MMP26: variants seen among roughly 807,000 people sequenced by gnomAD.
The protein encoded by MMP26 is matrix metalloproteinase-26.
A neutral mutation model predicts 31.0 loss-of-function variants in MMP26; 33 were observed. The observed-to-expected ratio is 1.06, with a 90% CI of 0.81 to 1.42. The LOEUF is 1.42. Ranked by LOEUF, MMP26 falls within the 40% of genes most tolerant of loss-of-function variation. MMP26 has a pLI of 0.00. For missense variants in MMP26, 347 were observed against 316.1 expected, an observed-to-expected ratio of 1.10 and a Z score of -0.74; for synonymous variants, 122 against 114.9, an observed-to-expected ratio of 1.06 and a Z score of -0.40.
intron 2 of MMP26, among the ~76,000 whole-genome samples, chr11:4,872,858 G>A (rs976030992): frequency 5.9e-5 from 9 of 151,860 alleles, no homozygotes; most frequent in Non-Finnish European, 1.2e-4. Context: ...TCTTTCCATG[G>A]TCTACCACTA....
chr11:4,777,299 T>C (rs889199536), intron 2 of MMP26, among the ~76,000 whole-genome samples: 7 of 152,172 alleles, frequency 4.6e-5, no homozygotes, highest in Admixed American at 2.6e-4. Context: ...TTAAGGACCC[T>C]GTTAAACTTT....
At position 4,835,178 on chromosome 11, in the gene MMP26, T is replaced by C. The variant is rs920786545; in HGVS notation, c.-145+67837T>C. Among the ~76,000 whole-genome samples, 8 of 147,594 alleles carry C rather than the reference T, an allele frequency of 5.4e-5. No individual in the cohort carries two copies. In the East Asian group the frequency reaches 5.9e-4, roughly 11 times the overall value. Reference sequence around the variant, plus strand: ...GAATTCTCAATATCTCCCTCCCCCCTCTCTCTCTCTTCCTCTCTCTTTCTG... The same window carrying C: ...GAATTCTCAATATCTCCCTCCCCCCCCTCTCTCTCTTCCTCTCTCTTTCTG... On this transcript the variant is annotated intron_variant, in intron 2 of 7. Transcript: ENST00000380390.
intron 2 of MMP26, among the ~76,000 whole-genome samples, chr11:4,826,795 A>G (rs1849583493): frequency 6.6e-6 from 1 of 152,136 alleles, no homozygotes; most frequent in Non-Finnish European, 1.5e-5. Flanking sequence ...CATATCAATA[A>G]TAATCCAGAT....
chr11:4,933,401 G>T (rs941600650), intron 2 of MMP26, among the ~76,000 whole-genome samples: 1 of 151,884 alleles, frequency 6.6e-6, no homozygotes, highest in Non-Finnish European at 1.5e-5. Flanking sequence ...TATAAACACA[G>T]GTTATATATG....
intron 2 of MMP26, chr11:4,849,272 G>T (rs1038385056): frequency 2.6e-6 from 4 of 1,523,564 alleles, no homozygotes; most frequent in Non-Finnish European, 3.5e-6. Flanking sequence ...ACTTAATCGC[G>T]TGCCAAATTT....
chr11:4,766,632 A>G (rs903022160), intron 1 of MMP26, among the ~76,000 whole-genome samples: 14 of 151,564 alleles, frequency 9.2e-5, no homozygotes, highest in African/African-American at 3.4e-4. Flanking sequence ...TGCTTGGTGT[A>G]ACAAATGGGC....
intron 2 of MMP26, among the ~76,000 whole-genome samples, chr11:4,790,165 C>A (rs931581642): frequency 7.9e-5 from 12 of 151,978 alleles, no homozygotes; most frequent in Non-Finnish European, 1.5e-4. Flanking sequence ...CATAGTGAAA[C>A]CCCGTCTCTA....
chr11:4,723,218 C>A (rs552667856), intron 1 of MMP26: 2 of 1,402,980 alleles, frequency 1.4e-6, no homozygotes, highest in African/African-American at 1.4e-5. Context: ...GCCTTTGAGG[C>A]CCTCAATCTC....
At chr11:4,809,623 G>A (rs1166766861) in intron 2 of MMP26, among the ~76,000 whole-genome samples, 1 of 152,214 alleles carries the variant, frequency 6.6e-6, no homozygotes, top group Admixed American at 6.5e-5. Context: ...AAGGCATAGA[G>A]CAATAATGCT....
At chr11:4,861,659 G>A (rs1850161626) in intron 2 of MMP26, among the ~76,000 whole-genome samples, 1 of 151,876 alleles carries the variant, frequency 6.6e-6, no homozygotes, top group South Asian at 2.1e-4. Context: ...TTTAAGGTAG[G>A]TAGAAGAAGA....
intron 2 of MMP26, among the ~76,000 whole-genome samples, chr11:4,865,477 G>T (rs572165917): frequency 5.3e-5 from 8 of 152,124 alleles, no homozygotes; most frequent in African/African-American, 1.9e-4. Context: ...AATTAACACT[G>T]TGAAAACTAA....
chr11:4,835,770 G>A (rs928110748), intron 2 of MMP26, among the ~76,000 whole-genome samples: 1 of 152,134 alleles, frequency 6.6e-6, no homozygotes, highest in Non-Finnish European at 1.5e-5. Context: ...ATAAAATGAG[G>A]TGGAGCTGGG....
intron 1 of MMP26, chr11:4,723,435 G>A (rs1314988714): frequency 2.0e-6 from 2 of 1,022,556 alleles, no homozygotes; most frequent in East Asian, 2.4e-5. Flanking sequence ...GGGAGCGGCT[G>A]CTGTCCATGG....
In MMP26 at chr11:4,937,203, G is replaced by C. The variant is rs79632087; in HGVS notation, c.-144-50865G>C. ...CTCACAGGGGCATAAGGGCACTTAGGGTACTGAATATCAAAAGTCATTCAT... is the reference window on the plus strand; with the variant it reads ...CTCACAGGGGCATAAGGGCACTTAGCGTACTGAATATCAAAAGTCATTCAT... On this transcript the variant is annotated intron_variant, in intron 2 of 7. Coordinates refer to ENST00000380390, the MANE Select transcript of MMP26 (RefSeq NM_021801.5). Among the ~76,000 whole-genome samples, 608 of 152,188 alleles carry C rather than the reference G, an allele frequency of 4.0e-3. 2 individuals are homozygous for C. The highest frequency in any genetic ancestry group is 0.013 in the African/African-American group (559 of 41,524).
chr11:4,842,266 T>C (rs1247277493), intron 2 of MMP26, among the ~76,000 whole-genome samples: 1 of 152,204 alleles, frequency 6.6e-6, no homozygotes, highest in Non-Finnish European at 1.5e-5. Flanking sequence ...TAAGTTGTTA[T>C]TAGGTTAAAA....
intron 2 of MMP26, chr11:4,849,111 G>C (rs1849934670): frequency 6.2e-7 from 1 of 1,614,030 alleles, no homozygotes; most frequent in Admixed American, 1.7e-5. Context: ...TGTCCACCAG[G>C]AGGGTGCACC....
intron 1 of MMP26, among the ~76,000 whole-genome samples, chr11:4,717,194 A>G (rs910767552): frequency 2.6e-5 from 4 of 152,126 alleles, no homozygotes; most frequent in African/African-American, 9.7e-5. Context: ...CAGTCTTATT[A>G]TTTGTTTGTT....
At chr11:4,712,366 A>C (rs1409285841) in intron 1 of MMP26, 1 of 152,180 alleles carries the variant, frequency 6.6e-6, no homozygotes, top group African/African-American at 2.4e-5. Context: ...GAGTAGTCAT[A>C]GATGGCGGTC....
At chr11:4,897,351 G>T (rs111927974) in intron 2 of MMP26, among the ~76,000 whole-genome samples, 14,664 of 152,192 alleles carry the variant, frequency 0.096, 893 homozygotes, top group Middle Eastern at 0.19. Context: ...TGTTGGCCAG[G>T]ATGGTCTCCA....
Sources: gnomAD v4.1 joint callset for allele counts (sites outside exome capture counted in the v4.1 genomes callset) on GRCh38, gnomAD v4.1.1 for gene constraint, MANE v1.5 for transcripts, NCBI Gene and HGNC (gene_info 2026-07-23, HGNC 2026-07-21) for gene names.